Variants in RTL4 observed in about 807,000 individuals in gnomAD.
RTL4 encodes the protein retrotransposon Gag-like protein 4.
Under a neutral mutation model 5.3 loss-of-function variants are expected in RTL4, and 4 were observed. The ratio of observed to expected loss-of-function variants is 0.75; its 90% CI spans 0.37 to 1.72. The LOEUF is 1.72. Among genes scored for constraint, RTL4 ranks in the 40% most tolerant of loss-of-function variants. RTL4 has a pLI of 0.04. For missense variants in RTL4, 260 were observed against 227.1 expected (o/e 1.14, Z -0.93); for synonymous variants, 98 against 87.3 (o/e 1.12, Z -0.68).
At chrX:112,342,340 C>G in the RTL4 span, among the ~76,000 whole-genome samples, 1 of 111,489 alleles carries the variant, frequency 9.0e-6, no homozygotes, top group African/African-American at 3.3e-5. Flanking sequence ...GATTCTGATT[C>G]TGATTTTATT....
the RTL4 span, among the ~76,000 whole-genome samples, chrX:112,437,132 T>A: frequency 9.0e-6 from 1 of 111,729 alleles, no homozygotes; most frequent in East Asian, 2.8e-4. Flanking sequence ...CTACCTACTT[T>A]CCTGTCTCAG....
At chrX:112,295,226 A>G in the RTL4 span, among the ~76,000 whole-genome samples, 11 of 111,287 alleles carry the variant, frequency 9.9e-5, no homozygotes, top group Non-Finnish European at 2.1e-4. Context: ...GTCTTCGGGT[A>G]AGAGCTGGTA....
chrX:112,228,115 A>T, the RTL4 span, among the ~76,000 whole-genome samples: 1 of 111,559 alleles, frequency 9.0e-6, no homozygotes, highest in East Asian at 2.8e-4. Flanking sequence ...GCTGTATTTC[A>T]ACAGACTTTT....
the RTL4 span, among the ~76,000 whole-genome samples, chrX:112,177,228 G>T: frequency 1.8e-5 from 2 of 110,886 alleles, no homozygotes; most frequent in East Asian, 5.7e-4. Context: ...TGGATCATAT[G>T]GTTGTTCTAT....
At chrX:112,192,149 T>C in the RTL4 span, among the ~76,000 whole-genome samples, 103 of 95,061 alleles carry the variant, frequency 1.1e-3, no homozygotes, top group East Asian at 5.7e-3. Context: ...CTTTAATAGG[T>C]TTTTTTTTGT....
At chrX:112,401,430 T>C in the RTL4 span, among the ~76,000 whole-genome samples, 1 of 111,806 alleles carries the variant, frequency 8.9e-6, no homozygotes, top group African/African-American at 3.3e-5. Context: ...CATCTTGCTC[T>C]CATTTCAATT....
At chrX:112,131,604 CCCCCTTCACTATTCGTA>C in the RTL4 span, among the ~76,000 whole-genome samples, 1 of 111,656 alleles carries the variant, frequency 9.0e-6, no homozygotes, top group African/African-American at 3.3e-5. Flanking sequence ...TGCCTTTTTT[CCCCCTTCACTATTCGTA>C]CTATTAAATC....
the RTL4 span, among the ~76,000 whole-genome samples, chrX:112,325,566 A>G: frequency 8.9e-6 from 1 of 112,450 alleles, no homozygotes; most frequent in Non-Finnish European, 1.9e-5. Flanking sequence ...TTCCCTATTT[A>G]AGAAATGGTG....
At chrX:112,221,421 G>A in the RTL4 span, among the ~76,000 whole-genome samples, 1 of 111,211 alleles carries the variant, frequency 9.0e-6, no homozygotes, top group Non-Finnish European at 1.9e-5. Context: ...TTTGGTATCA[G>A]CATCAAGGTG....
the RTL4 span, among the ~76,000 whole-genome samples, chrX:112,423,340 T>C: frequency 9.0e-6 from 1 of 110,849 alleles, no homozygotes; most frequent in African/African-American, 3.3e-5. Context: ...GGAAAGGAAG[T>C]GGAGGTTCAT....
the RTL4 span, among the ~76,000 whole-genome samples, chrX:112,444,152 C>G: frequency 5.4e-5 from 6 of 111,142 alleles, no homozygotes; most frequent in Non-Finnish European, 9.4e-5. Context: ...TTTCATTATT[C>G]TGCATATGAA....
chrX:112,142,107 G>A, the RTL4 span, among the ~76,000 whole-genome samples: 1 of 112,301 alleles, frequency 8.9e-6, no homozygotes, highest in Non-Finnish European at 1.9e-5. Flanking sequence ...GGGTCATATA[G>A]CCAAATCAGA....
the RTL4 span, among the ~76,000 whole-genome samples, chrX:112,099,674 G>A: frequency 4.5e-5 from 5 of 111,146 alleles, no homozygotes; most frequent in African/African-American, 1.3e-4. Context: ...ACAGAGCTTG[G>A]CAGTGGGGAA....
At chrX:112,256,469 T>C in the RTL4 span, among the ~76,000 whole-genome samples, 2 of 112,275 alleles carry the variant, frequency 1.8e-5, no homozygotes, top group Admixed American at 1.9e-4. Context: ...GACAGAAATT[T>C]CTGTTTGTTT....
the RTL4 span, among the ~76,000 whole-genome samples, chrX:112,288,765 C>T: frequency 9.0e-6 from 1 of 111,592 alleles, no homozygotes; most frequent in Non-Finnish European, 1.9e-5. Flanking sequence ...GTCATGATTG[C>T]AGAGGAAAAA....
chrX:112,436,986 A>G, the RTL4 span, among the ~76,000 whole-genome samples: 5 of 111,899 alleles, frequency 4.5e-5, no homozygotes, highest in African/African-American at 1.6e-4. Context: ...TGGATTTGCC[A>G]TCTGTAAAAT....
chrX:112,269,156 G>A, the RTL4 span, among the ~76,000 whole-genome samples: 2 of 112,271 alleles, frequency 1.8e-5, no homozygotes, highest in Non-Finnish European at 3.8e-5. Context: ...CATGTAAACT[G>A]TCAGCTGGCA....
the RTL4 span, among the ~76,000 whole-genome samples, chrX:112,346,871 G>A: frequency 7.2e-5 from 8 of 111,562 alleles, no homozygotes; most frequent in Non-Finnish European, 1.1e-4. Flanking sequence ...TAGTACAGTG[G>A]TTCTCACCAA....
chrX:112,376,242 T>G, the RTL4 span, among the ~76,000 whole-genome samples: 1 of 111,784 alleles, frequency 8.9e-6, no homozygotes, highest in South Asian at 3.8e-4. Flanking sequence ...TTTACTAAGA[T>G]AACTGCACAC....
Sources: gnomAD v4.1 joint callset for allele counts (sites outside exome capture counted in the v4.1 genomes callset) on GRCh38, gnomAD v4.1.1 for gene constraint, MANE v1.5 for transcripts, NCBI Gene and HGNC (gene_info 2026-07-23, HGNC 2026-07-21) for gene names.